The following HDX variants were observed in gnomAD, a reference collection of about 807,000 sequenced individuals.
HDX encodes highly divergent homeobox, also known as chromosome X open reading frame 43.
HDX carries 19 observed loss-of-function variants against 45.2 expected under a neutral mutation model. The ratio of observed to expected loss-of-function variants is 0.42; its 90% CI spans 0.29 to 0.62. The LOEUF (loss-of-function observed/expected upper bound fraction) is 0.62, where lower values mean the gene tolerates loss of function less well. Among genes scored for constraint, HDX ranks in the 20% least tolerant of loss-of-function variants. HDX has a pLI of 0.20. For synonymous variants in HDX, 188 were observed against 172.8 expected, an observed-to-expected ratio of 1.09 and a Z score of -0.69; for missense variants, 532 against 493.9, an observed-to-expected ratio of 1.08 and a Z score of -0.73.
In HDX at chrX:84,325,640, A is replaced by G. The variant is rs760595348; in HGVS notation, c.1947+538T>C. The stretch of plus-strand genomic sequence containing the variant: ...TTGGAGTCAAAAATTCAAATACTCA[A>G]ATACTTAAATTGGGAAAAGTAAGTG... On this transcript the variant is annotated intron_variant, in intron 10 of 10. Coordinates refer to ENST00000373177, the MANE Select transcript of HDX (RefSeq NM_001177479.2). 8.0e-5 allele frequency among the ~76,000 whole-genome samples: 9 copies of G among 111,956 alleles called. No individual in the cohort carries two copies. In the East Asian group the frequency reaches 2.5e-3, roughly 32 times the overall value.
chrX:84,413,073 C>T (rs1284685028), intron 5 of HDX, among the ~76,000 whole-genome samples: 1 of 111,440 alleles, frequency 9.0e-6, no homozygotes, highest in Non-Finnish European at 1.9e-5. Context: ...CCTTAAATTC[C>T]TCAGATTGGG....
intron 6 of HDX, among the ~76,000 whole-genome samples, chrX:84,355,824 A>G (rs927942072): frequency 1.8e-5 from 2 of 109,150 alleles, no homozygotes; most frequent in African/African-American, 6.7e-5. Flanking sequence ...AAACCTGCAC[A>G]TTGTGCACAG....
At chrX:84,413,581 C>A (rs1034534756) in intron 5 of HDX, among the ~76,000 whole-genome samples, 1 of 111,621 alleles carries the variant, frequency 9.0e-6, no homozygotes, top group African/African-American at 3.3e-5. Context: ...ATGGGCAAAG[C>A]ACTTTGTAAG....
At chrX:84,419,824 G>C (rs4828267) in intron 5 of HDX, among the ~76,000 whole-genome samples, 12,694 of 111,696 alleles carry the variant, frequency 0.11, 630 homozygotes, top group South Asian at 0.28. Flanking sequence ...CAGAAAGAGA[G>C]ACTCAGTTTG....
intron 5 of HDX, among the ~76,000 whole-genome samples, chrX:84,428,608 G>T (rs1459345307): frequency 9.0e-6 from 1 of 111,157 alleles, no homozygotes; most frequent in Non-Finnish European, 1.9e-5. Flanking sequence ...ACATGTGTCA[G>T]TAGTTAACTG....
At chrX:84,479,664 C>T (rs777279258) in intron 2 of HDX, among the ~76,000 whole-genome samples, 41 of 111,715 alleles carry the variant, frequency 3.7e-4, no homozygotes, top group African/African-American at 1.2e-3. Flanking sequence ...TTCGCATTCT[C>T]GAATGCACTG....
chrX:84,343,064 G>A (rs1275993252), intron 7 of HDX, among the ~76,000 whole-genome samples: 2 of 110,731 alleles, frequency 1.8e-5, no homozygotes, highest in African/African-American at 6.6e-5. Flanking sequence ...GCCCAGAAAA[G>A]ACAAATTTAT....
intron 5 of HDX, among the ~76,000 whole-genome samples, chrX:84,431,611 T>C (rs968068248): frequency 8.9e-6 from 1 of 111,733 alleles, no homozygotes; most frequent in African/African-American, 3.2e-5. Flanking sequence ...AGCATTTTCA[T>C]ATGCATTTTA....
At chrX:84,356,920 C>G (rs992980563) in intron 6 of HDX, among the ~76,000 whole-genome samples, 4 of 110,432 alleles carry the variant, frequency 3.6e-5, no homozygotes, top group Non-Finnish European at 7.6e-5. Flanking sequence ...CGCGCCCGGC[C>G]CTCCTGTGGA....
intron 5 of HDX, chrX:84,440,126 C>T (rs1346641553): frequency 8.9e-6 from 1 of 112,378 alleles, no homozygotes; most frequent in African/African-American, 3.3e-5. Context: ...ATTGGTAAAC[C>T]TTAATTACTC....
chrX:84,338,212 T>C (rs1043655771), intron 7 of HDX, among the ~76,000 whole-genome samples: 2 of 110,852 alleles, frequency 1.8e-5, no homozygotes, highest in African/African-American at 3.3e-5. Flanking sequence ...AACTCACATA[T>C]GACCATATAG....
intron 5 of HDX, among the ~76,000 whole-genome samples, chrX:84,432,943 T>G (rs1352200244): frequency 9.0e-6 from 1 of 111,510 alleles, no homozygotes; most frequent in African/African-American, 3.3e-5. Flanking sequence ...CCAATCAGTA[T>G]AATGTCAGCA....
intron 4 of HDX, among the ~76,000 whole-genome samples, chrX:84,460,310 G>T (rs929148941): frequency 1.8e-5 from 2 of 111,463 alleles, no homozygotes; most frequent in African/African-American, 6.5e-5. Flanking sequence ...CTAGCAAATC[G>T]ATCATAAGAA....
chrX:84,341,283 G>T (rs12393691), intron 7 of HDX, among the ~76,000 whole-genome samples: 1 of 110,683 alleles, frequency 9.0e-6, no homozygotes, highest in Non-Finnish European at 1.9e-5. Flanking sequence ...TGACAGAAAT[G>T]GTTTAAAGGA....
chrX:84,480,601 T>C (rs5968336), intron 2 of HDX, among the ~76,000 whole-genome samples: 42,983 of 110,117 alleles, frequency 0.39, 7,275 homozygotes, highest in African/African-American at 0.65. Flanking sequence ...TAAATGCTTT[T>C]TCTTGCATCT....
At chrX:84,326,089 T>A in intron 10 of HDX, 89 bp downstream of exon 10, 1 of 864,576 alleles carries the variant, frequency 1.2e-6, no homozygotes, top group Non-Finnish European at 1.7e-6. Flanking sequence ...AAATGAAGTA[T>A]TAAAATGAAA....
intron 1 of HDX, among the ~76,000 whole-genome samples, chrX:84,492,518 G>GA: frequency 9.0e-6 from 1 of 110,916 alleles, no homozygotes; most frequent in South Asian, 3.8e-4. Context: ...CCTTCATCTG[G>GA]AAAATGGGAC....
chrX:84,396,259 C>T (rs1466608017), intron 5 of HDX, among the ~76,000 whole-genome samples: 3 of 112,181 alleles, frequency 2.7e-5, no homozygotes, highest in Non-Finnish European at 5.6e-5. Flanking sequence ...GTTGGGTAGG[C>T]CACTTTGGTT....
At chrX:84,326,384 A>T in intron 9 of HDX, 84 bp from the exon 10 acceptor site, 1 of 701,748 alleles carries the variant, frequency 1.4e-6, no homozygotes, top group East Asian at 3.3e-5. Context: ...AATTCTAAAA[A>T]ACCATCAAAT....
Sources: gnomAD v4.1 joint callset for allele counts (sites outside exome capture counted in the v4.1 genomes callset) on GRCh38, gnomAD v4.1.1 for gene constraint, MANE v1.5 for transcripts, NCBI Gene and HGNC (gene_info 2026-07-23, HGNC 2026-07-21) for gene names.